The following ATRNL1 variants were observed in gnomAD, a reference collection of about 807,000 sequenced individuals.
ATRNL1 encodes attractin-like protein 1.
ATRNL1 carries 95 observed loss-of-function variants against 182.7 expected under a neutral mutation model. That is an observed-to-expected ratio of 0.52 (90% confidence interval 0.44 to 0.62). ATRNL1 has a LOEUF of 0.62. ATRNL1 is among the 20% of genes least tolerant of loss of function. The pLI is 0.00. For missense variants in ATRNL1, 1,471 were observed against 1,679.5 expected (o/e 0.88, Z 2.17); for synonymous variants, 576 against 568.3 (o/e 1.01, Z -0.19).
intron 25 of ATRNL1, among the ~76,000 whole-genome samples, chr10:115,533,398 T>C (rs1240309178): frequency 1.3e-5 from 2 of 151,664 alleles, no homozygotes; most frequent in South Asian, 4.1e-4. Flanking sequence ...GTAGAGGTGT[T>C]TGTAGTATTC....
intron 8 of ATRNL1, among the ~76,000 whole-genome samples, chr10:115,175,508 C>T (rs1847467378): frequency 6.6e-6 from 1 of 151,950 alleles, no homozygotes; most frequent in African/African-American, 2.4e-5. Context: ...AATTTATCTG[C>T]AGGGTATTTT....
intron 21 of ATRNL1, among the ~76,000 whole-genome samples, chr10:115,428,601 T>G (rs1202227639): frequency 1.3e-5 from 2 of 152,080 alleles, no homozygotes; most frequent in Admixed American, 1.3e-4. Flanking sequence ...AATGGTTGTT[T>G]ATGTCCAATG....
chr10:115,334,112 T>C (rs2134072980), intron 18 of ATRNL1, among the ~76,000 whole-genome samples, 170 bp from the exon 19 acceptor site: 1 of 152,336 alleles, frequency 6.6e-6, no homozygotes, highest in South Asian at 2.1e-4. Context: ...GTACATACTG[T>C]CTTGCACAAA....
chr10:115,143,261 C>G (rs1437734653), intron 5 of ATRNL1, among the ~76,000 whole-genome samples: 2 of 152,126 alleles, frequency 1.3e-5, no homozygotes, highest in African/African-American at 2.4e-5. Context: ...TATTTATAAC[C>G]ACTTATTTTG....
At chr10:115,659,991 TGAG>T (rs1191142251) in intron 26 of ATRNL1, among the ~76,000 whole-genome samples, 1 of 152,140 alleles carries the variant, frequency 6.6e-6, no homozygotes, top group Non-Finnish European at 1.5e-5. Context: ...TTTATTCTAA[TGAG>T]GATCCACTGA....
At chr10:115,114,680 C>A (rs1262856074) in intron 1 of ATRNL1, among the ~76,000 whole-genome samples, 2 of 151,996 alleles carry the variant, frequency 1.3e-5, no homozygotes, top group Non-Finnish European at 2.9e-5. Flanking sequence ...CAGATCAAAA[C>A]CACAATGGGA....
At chr10:115,795,071 C>T (rs1949618840) in intron 27 of ATRNL1, among the ~76,000 whole-genome samples, 2 of 152,088 alleles carry the variant, frequency 1.3e-5, no homozygotes, top group African/African-American at 2.4e-5. Flanking sequence ...TCATCTTGTA[C>T]TTTCTATGCC....
chr10:115,586,649 A>G (rs1855522258), intron 26 of ATRNL1, among the ~76,000 whole-genome samples: 1 of 118,024 alleles, frequency 8.5e-6, no homozygotes. Context: ...CTAGTTATAC[A>G]TTCTTCTAAA....
At chr10:115,195,072 G>T (rs562777249) in intron 8 of ATRNL1, among the ~76,000 whole-genome samples, 2 of 152,060 alleles carry the variant, frequency 1.3e-5, no homozygotes, top group Non-Finnish European at 2.9e-5. Context: ...TGAAAAAGTT[G>T]TGGTAGTTTT....
intron 24 of ATRNL1, among the ~76,000 whole-genome samples, chr10:115,502,344 A>G (rs1849886003): frequency 6.6e-6 from 1 of 152,156 alleles, no homozygotes; most frequent in African/African-American, 2.4e-5. Flanking sequence ...ATAATTTATA[A>G]TTTGATTTTG....
At chr10:115,143,425 A>G (rs1413321689) in intron 5 of ATRNL1, among the ~76,000 whole-genome samples, 2 of 147,006 alleles carry the variant, frequency 1.4e-5, no homozygotes, top group African/African-American at 2.5e-5. Flanking sequence ...TTTTTTTTTT[A>G]TAGTGTGTAT....
chr10:115,478,919 T>G (rs1353398740), intron 24 of ATRNL1, among the ~76,000 whole-genome samples: 1 of 151,626 alleles, frequency 6.6e-6, no homozygotes, highest in East Asian at 1.9e-4. Context: ...GTAAACCCAT[T>G]AGATTTTAAT....
intron 6 of ATRNL1, among the ~76,000 whole-genome samples, chr10:115,161,042 G>GTA (rs781774608): frequency 3.1e-3 from 469 of 151,366 alleles, no homozygotes; most frequent in Middle Eastern, 0.01. Flanking sequence ...CCCTTTTGCT[G>GTA]TATATATATA....
At chr10:115,914,045 C>T (rs1952768534) in intron 28 of ATRNL1, among the ~76,000 whole-genome samples, 2 of 152,020 alleles carry the variant, frequency 1.3e-5, no homozygotes, top group Non-Finnish European at 2.9e-5. Flanking sequence ...GGGTAGTTCC[C>T]CCATGCTGTT....
At chr10:115,227,146 A>G (rs1849734021) in intron 9 of ATRNL1, among the ~76,000 whole-genome samples, 1 of 152,148 alleles carries the variant, frequency 6.6e-6, no homozygotes, top group East Asian at 1.9e-4. Flanking sequence ...AGCCTACAAA[A>G]TGGGAGAAGA....
At chr10:115,752,280 T>G (rs12219077) in intron 27 of ATRNL1, among the ~76,000 whole-genome samples, 71,057 of 151,804 alleles carry the variant, frequency 0.47, 18,329 homozygotes, top group East Asian at 0.75. Context: ...AAAAGAGAGA[T>G]TTAAAGGGAT....
At chr10:115,717,362 T>A (rs1274411964) in intron 26 of ATRNL1, among the ~76,000 whole-genome samples, 1 of 152,114 alleles carries the variant, frequency 6.6e-6, no homozygotes, top group Non-Finnish European at 1.5e-5. Context: ...CCTGTGTGCC[T>A]AATGATTTAC....
At chr10:115,227,997 A>G (rs1849765692) in intron 9 of ATRNL1, among the ~76,000 whole-genome samples, 1 of 152,116 alleles carries the variant, frequency 6.6e-6, no homozygotes, top group Admixed American at 6.6e-5. Context: ...TCACTTTGTG[A>G]TAATTCATTG....
chr10:115,335,522 TCA>T (rs1855440860), intron 19 of ATRNL1, among the ~76,000 whole-genome samples: 1 of 152,224 alleles, frequency 6.6e-6, no homozygotes, highest in African/African-American at 2.4e-5. Context: ...TAATATGCAC[TCA>T]GAGTTGAGAC....
Sources: gnomAD v4.1 joint callset for allele counts (sites outside exome capture counted in the v4.1 genomes callset) on GRCh38, gnomAD v4.1.1 for gene constraint, MANE v1.5 for transcripts, NCBI Gene and HGNC (gene_info 2026-07-23, HGNC 2026-07-21) for gene names.